TMC1: variants seen among roughly 807,000 people sequenced by gnomAD.
The protein encoded by TMC1 is transmembrane channel-like protein 1.
Under a neutral mutation model 105.8 loss-of-function variants are expected in TMC1, and 84 were observed. The ratio of observed to expected loss-of-function variants is 0.79; its 90% CI spans 0.67 to 0.95. The LOEUF (loss-of-function observed/expected upper bound fraction) is 0.95. TMC1 is among the 40% of genes least tolerant of loss of function. The pLI is 0.00. For missense variants in TMC1, 817 were observed against 914.1 expected, an observed-to-expected ratio of 0.89 and a Z score of 1.37; for synonymous variants, 315 against 311.5, an observed-to-expected ratio of 1.01 and a Z score of -0.12.
At chr9:72,825,053 T>A (rs965007660) in intron 20 of TMC1, among the ~76,000 whole-genome samples, 9 of 152,258 alleles carry the variant, frequency 5.9e-5, no homozygotes, top group Admixed American at 2.6e-4. Flanking sequence ...TCTATTTTTC[T>A]TAATAGTTTA....
intron 23 of TMC1, 56 bp downstream of exon 23, chr9:72,830,738 C>CTTTTTTTTTTTTTTTTTTTTTTTTTTTCT: frequency 8.7e-7 from 1 of 1,146,924 alleles, no homozygotes; most frequent in Non-Finnish European, 1.2e-6. Flanking sequence ...CTTTTTCTTT[C>CTTTTTTTTTTTTTTTTTTTTTTTTTTTCT]TTTTTTTTTT....
At chr9:72,815,244 GC>G (rs1158274023) in intron 18 of TMC1, among the ~76,000 whole-genome samples, 3 of 152,032 alleles carry the variant, frequency 2.0e-5, no homozygotes, top group African/African-American at 4.8e-5. Flanking sequence ...CTTTAGATGG[GC>G]CACCCTATCA....
intron 4 of TMC1, among the ~76,000 whole-genome samples, chr9:72,644,987 A>G (rs1564464696): frequency 1.3e-5 from 2 of 152,180 alleles, no homozygotes; most frequent in East Asian, 3.9e-4. Context: ...GGGTGAAAAA[A>G]GGGTGAAATC....
intron 8 of TMC1, among the ~76,000 whole-genome samples, chr9:72,733,505 A>T (rs1233881284): frequency 6.6e-6 from 1 of 152,088 alleles, no homozygotes; most frequent in Non-Finnish European, 1.5e-5. Context: ...TGTAGTTTGG[A>T]GATTCAGCAT....
chr9:72,743,544 G>T (rs1337589629), intron 10 of TMC1, among the ~76,000 whole-genome samples: 10 of 141,604 alleles, frequency 7.1e-5, no homozygotes, highest in Non-Finnish European at 1.3e-4. Context: ...TCCAACCTGG[G>T]TGACACAGCC....
At chr9:72,635,004 C>A (rs926538902) in intron 4 of TMC1, among the ~76,000 whole-genome samples, 1 of 152,124 alleles carries the variant, frequency 6.6e-6, no homozygotes, top group Non-Finnish European at 1.5e-5. Flanking sequence ...CACCTGTAAT[C>A]CCCGCACATT....
Position 72,780,369 on chromosome 9 carries a change from C to T in TMC1, c.884+7814C>T, listed in dbSNP as rs202041419. On this transcript the variant is annotated intron_variant, in intron 13 of 23. Transcript: ENST00000297784. ...TACACAATCAAGTCCACATAACAAC[C>T]AACTAACAACACTATGACAGGATCA... Among the ~76,000 whole-genome samples the T allele has an allele frequency of 1.1e-4, 16 of 152,238 alleles. No individual in the cohort carries two copies. In the East Asian group the frequency reaches 3.1e-3, roughly 29 times the overall value.
At chr9:72,644,089 T>G (rs1376363774) in intron 4 of TMC1, among the ~76,000 whole-genome samples, 1 of 152,158 alleles carries the variant, frequency 6.6e-6, no homozygotes, top group East Asian at 1.9e-4. Context: ...AAATATCTGT[T>G]TAATAATTGA....
intron 7 of TMC1, among the ~76,000 whole-genome samples, chr9:72,694,960 G>A (rs377548502): frequency 5.0e-4 from 76 of 152,194 alleles, no homozygotes; most frequent in African/African-American, 1.6e-3. Flanking sequence ...ATCATAGGTC[G>A]TTGACATATT....
intron 8 of TMC1, among the ~76,000 whole-genome samples, chr9:72,702,229 A>G (rs994592573): frequency 7.2e-5 from 11 of 152,184 alleles, no homozygotes; most frequent in Admixed American, 5.9e-4. Context: ...TCCAAAATAT[A>G]TGATTGAATA....
intron 23 of TMC1, among the ~76,000 whole-genome samples, chr9:72,835,018 A>C (rs1829098277): frequency 6.6e-6 from 1 of 152,048 alleles, no homozygotes; most frequent in South Asian, 2.1e-4. Context: ...TTAGCTTTTC[A>C]GTTTGTTAGA....
intron 6 of TMC1, among the ~76,000 whole-genome samples, chr9:72,693,793 A>G (rs908839324): frequency 1.3e-5 from 2 of 152,084 alleles, no homozygotes; most frequent in South Asian, 2.1e-4. Flanking sequence ...TTATCTCTCT[A>G]TTCTTTACCT....
intron 8 of TMC1, among the ~76,000 whole-genome samples, chr9:72,704,952 T>C (rs375866936): frequency 6.6e-6 from 1 of 151,640 alleles, no homozygotes. Context: ...TGTAGGGAGT[T>C]GGAGGGGGGT....
chr9:72,618,266 A>G (rs1427836818), intron 3 of TMC1, among the ~76,000 whole-genome samples: 1 of 151,884 alleles, frequency 6.6e-6, no homozygotes, highest in Non-Finnish European at 1.5e-5. Flanking sequence ...TAAGTGATCC[A>G]CCTACCATGG....
At chr9:72,653,673 A>G (rs1421592113) in intron 5 of TMC1, among the ~76,000 whole-genome samples, 1 of 152,162 alleles carries the variant, frequency 6.6e-6, no homozygotes, top group African/African-American at 2.4e-5. Flanking sequence ...ACAAGTTTTG[A>G]CAAATGTATA....
At chr9:72,789,549 A>G (rs1174882287) in intron 15 of TMC1, among the ~76,000 whole-genome samples, 2 of 152,096 alleles carry the variant, frequency 1.3e-5, no homozygotes, top group African/African-American at 4.8e-5. Context: ...CAGAAAAGAT[A>G]TTAAAAAACA....
At chr9:72,801,148 A>G (rs1396729520) in intron 17 of TMC1, among the ~76,000 whole-genome samples, 3 of 152,170 alleles carry the variant, frequency 2.0e-5, no homozygotes, top group Non-Finnish European at 2.9e-5. Context: ...ATATAGGATA[A>G]TGTGATTGCT....
At chr9:72,796,547 G>A (rs1828373007) in intron 17 of TMC1, among the ~76,000 whole-genome samples, 1 of 152,124 alleles carries the variant, frequency 6.6e-6, no homozygotes, top group African/African-American at 2.4e-5. Context: ...CGTCATCCTT[G>A]GGATGGAAGG....
intron 1 of TMC1, chr9:72,577,699 C>T (rs555187607): frequency 5.9e-5 from 9 of 151,680 alleles, no homozygotes; most frequent in African/African-American, 1.2e-4. Flanking sequence ...TTTTAGTATC[C>T]GGCATATTGT....
Sources: allele counts gnomAD v4.1 joint callset (sites outside exome capture counted in the v4.1 genomes callset), GRCh38; gene constraint gnomAD v4.1.1; transcripts MANE v1.5; gene names NCBI Gene and HGNC (gene_info 2026-07-23, HGNC 2026-07-21).